ANKRD44: variants seen among roughly 807,000 people sequenced by gnomAD.
The protein encoded by ANKRD44 is ankyrin repeat domain 44, also known as serine/threonine-protein phosphatase 6 regulatory ankyrin repeat subunit B.
ANKRD44 carries 35 observed loss-of-function variants against 116.0 expected under a neutral mutation model. The observed-to-expected ratio is 0.30, with a 90% CI of 0.23 to 0.40. The LOEUF (loss-of-function observed/expected upper bound fraction) is 0.40, where lower values mean the gene tolerates loss of function less well. ANKRD44 is among the 10% of genes least tolerant of loss of function. The pLI is 1.00. For missense variants in ANKRD44, 1,014 were observed against 1,242.6 expected (o/e 0.82, Z 2.77); for synonymous variants, 435 against 461.8 (o/e 0.94, Z 0.74).
intron 1 of ANKRD44, among the ~76,000 whole-genome samples, chr2:197,213,796 G>C (rs2125704028): frequency 6.6e-6 from 1 of 151,652 alleles, no homozygotes; most frequent in African/African-American, 2.4e-5. Context: ...TTAATGATCT[G>C]ATTTATTAGA....
At chr2:196,997,913 T>C (rs1559404327) in intron 25 of ANKRD44, among the ~76,000 whole-genome samples, 1 of 152,248 alleles carries the variant, frequency 6.6e-6, no homozygotes, top group Non-Finnish European at 1.5e-5. Context: ...GAGTATTTTT[T>C]GGCTGTGTTA....
intron 3 of ANKRD44, among the ~76,000 whole-genome samples, chr2:197,145,344 T>C (rs113643760): frequency 0.058 from 8,591 of 149,246 alleles, 482 homozygotes; most frequent in African/African-American, 0.14. Flanking sequence ...AAGAGGCGGG[T>C]ATAGCTGATG....
At chr2:197,176,068 G>T (rs2080357362) in intron 2 of ANKRD44, among the ~76,000 whole-genome samples, 1 of 152,152 alleles carries the variant, frequency 6.6e-6, no homozygotes, top group Admixed American at 6.5e-5. Context: ...GAATTTGGAT[G>T]TGATGGCTGG....
chr2:197,121,689 G>A lies in ANKRD44; in HGVS notation c.694-145C>T. Reference sequence around the variant, plus strand: ...TCAGAGCTTACTCTTGCCCCAGTGTGGTCATCTTGGGAATGCTTGTCACCC... The same window carrying A: ...TCAGAGCTTACTCTTGCCCCAGTGTAGTCATCTTGGGAATGCTTGTCACCC... On this transcript the variant is annotated intron_variant, in intron 7 of 27. Coordinates refer to ENST00000282272, the MANE Select transcript of ANKRD44 (RefSeq NM_001195144.2). 15 of 731,974 alleles carry A rather than the reference G, an allele frequency of 2.0e-5. No individual in the cohort carries two copies. In the South Asian group the frequency reaches 2.7e-4, roughly 13 times the overall value. 45.3% of individuals were successfully genotyped at this position (731,974 alleles called of 1,614,324 possible). A position where few individuals can be genotyped will look rare whatever the true frequency, so the allele number is the denominator to read the frequency against.
chr2:197,186,299 A>G (rs1366109016), intron 2 of ANKRD44, among the ~76,000 whole-genome samples: 2 of 152,174 alleles, frequency 1.3e-5, no homozygotes, highest in African/African-American at 4.8e-5. Flanking sequence ...AATGTAGGCC[A>G]TAAACCACAG....
In ANKRD44 at chr2:196,998,328, T is replaced by C; in HGVS notation, c.2748+9A>G. On this transcript the variant is annotated intron_variant, in intron 25 of 27. Transcript: ENST00000282272. ...GTGAAGTAATAATATTTTAAATTCA[T>C]TTACATACTTTACTACAAGCCAAAT... 1 of 1,584,354 alleles carries C rather than the reference T, an allele frequency of 6.3e-7. No homozygotes were observed. Among genetic ancestry groups the C allele is most frequent in the Non-Finnish European group, 8.7e-7 (1 of 1,154,120 alleles).
intron 4 of ANKRD44, chr2:197,136,077 A>T (rs2079209691): frequency 6.1e-6 from 1 of 163,690 alleles, no homozygotes; most frequent in Non-Finnish European, 1.3e-5. Context: ...GCCCTCTGCC[A>T]TCTGGCCCAA....
chr2:197,281,350 C>G (rs1574434953), intron 1 of ANKRD44, among the ~76,000 whole-genome samples: 1 of 152,128 alleles, frequency 6.6e-6, no homozygotes, highest in East Asian at 1.9e-4. Flanking sequence ...CCCCACCCCC[C>G]ATCACCAACA....
chr2:197,263,442 G>A, intron 1 of ANKRD44: 1 of 559,648 alleles, frequency 1.8e-6, no homozygotes, highest in African/African-American at 2.0e-5. Flanking sequence ...TGAAACAACA[G>A]CTCTTCTCCT....
chr2:197,164,397 G>T lies in ANKRD44; in HGVS notation c.112-17292C>A, dbSNP rs186477510. On this transcript the variant is annotated intron_variant, in intron 2 of 27. Coordinates refer to ENST00000282272, the MANE Select transcript of ANKRD44 (RefSeq NM_001195144.2). ...AGTTCCCTGGCGGGGCCTGGTAGCG[G>T]AAGACCTTTCCCTCTGAGGCGCCCC... Among the ~76,000 whole-genome samples, 369 of 152,302 alleles carry T rather than the reference G, an allele frequency of 2.4e-3. 1 individual carries two copies. Among genetic ancestry groups the T allele is most frequent in the Non-Finnish European group, 3.8e-3 (260 of 68,014 alleles).
At chr2:197,307,001 A>G (rs2084091861) in intron 1 of ANKRD44, among the ~76,000 whole-genome samples, 1 of 152,236 alleles carries the variant, frequency 6.6e-6, no homozygotes, top group African/African-American at 2.4e-5. Flanking sequence ...TCCTAGCTTC[A>G]TAACTCTGAA....
intron 2 of ANKRD44, among the ~76,000 whole-genome samples, chr2:197,165,463 G>A (rs1357973379): frequency 6.6e-6 from 1 of 152,222 alleles, no homozygotes; most frequent in African/African-American, 2.4e-5. Flanking sequence ...GAGTGAGCAC[G>A]ACCACAGTGA....
chr2:197,006,091 A>T (rs1289990663), intron 20 of ANKRD44, among the ~76,000 whole-genome samples, 181 bp from the exon 21 acceptor site: 1 of 151,652 alleles, frequency 6.6e-6, no homozygotes, highest in African/African-American at 2.4e-5. Context: ...ATAACAGAAA[A>T]ATCTGTGAAC....
intron 4 of ANKRD44, among the ~76,000 whole-genome samples, chr2:197,132,845 C>T (rs1406219): frequency 0.015 from 2,205 of 151,940 alleles, 29 homozygotes; most frequent in Non-Finnish European, 0.024. Flanking sequence ...AGAAATACAA[C>T]GGCAAGCAAT....
intron 22 of ANKRD44, among the ~76,000 whole-genome samples, chr2:197,000,769 C>T (rs2076099944): frequency 6.6e-6 from 1 of 152,166 alleles, no homozygotes; most frequent in Non-Finnish European, 1.5e-5. Flanking sequence ...AGACATGCTT[C>T]CTTCAGATTT....
intron 10 of ANKRD44, among the ~76,000 whole-genome samples, chr2:197,099,137 T>C (rs952800418): frequency 1.3e-5 from 2 of 152,114 alleles, no homozygotes; most frequent in Admixed American, 6.5e-5. Context: ...ACTGGCCACC[T>C]TTGAGCTCTC....
chr2:197,081,599 A>C (rs752534508), intron 15 of ANKRD44, 46 bp downstream of exon 15: 6 of 1,549,850 alleles, frequency 3.9e-6, no homozygotes, highest in East Asian at 2.2e-5. Flanking sequence ...AAAGCAGAAG[A>C]AGCGTCAGAA....
chr2:197,232,009 C>A (rs2081875942), intron 1 of ANKRD44, among the ~76,000 whole-genome samples: 1 of 152,124 alleles, frequency 6.6e-6, no homozygotes, highest in African/African-American at 2.4e-5. Context: ...TCTCCTGAAC[C>A]ACTGCATCCC....
chr2:197,041,286 G>T (rs2076906017), intron 16 of ANKRD44, among the ~76,000 whole-genome samples: 1 of 152,110 alleles, frequency 6.6e-6, no homozygotes, highest in Non-Finnish European at 1.5e-5. Flanking sequence ...ACCTCTTCAA[G>T]GGTCTACTTT....
Sources: allele counts gnomAD v4.1 joint callset (sites outside exome capture counted in the v4.1 genomes callset), GRCh38; gene constraint gnomAD v4.1.1; transcripts MANE v1.5; gene names NCBI Gene and HGNC (gene_info 2026-07-23, HGNC 2026-07-21).